DOK5: variants seen among roughly 807,000 people sequenced by gnomAD.
DOK5 encodes docking protein 5.
A neutral mutation model predicts 43.3 loss-of-function variants in DOK5; 27 were observed. The ratio of observed to expected loss-of-function variants is 0.62; its 90% CI spans 0.46 to 0.86. DOK5 has a LOEUF of 0.86. DOK5 is among the 40% of genes least tolerant of loss of function. The pLI is 0.00. For synonymous variants in DOK5, 146 were observed against 140.1 expected (o/e 1.04, Z -0.30); for missense variants, 373 against 392.9 (o/e 0.95, Z 0.43).
intron 1 of DOK5, among the ~76,000 whole-genome samples, chr20:54,520,716 G>T (rs991863076): frequency 6.6e-6 from 1 of 152,028 alleles, no homozygotes; most frequent in Non-Finnish European, 1.5e-5. Context: ...AGCCCAGGAG[G>T]TTGAGTCAGC....
chr20:54,487,983 T>C (rs1030905953), intron 1 of DOK5, among the ~76,000 whole-genome samples: 3 of 152,254 alleles, frequency 2.0e-5, no homozygotes, highest in African/African-American at 7.2e-5. Flanking sequence ...CTTAACACCA[T>C]ACATTCATTC....
chr20:54,624,634 T>G (rs1484052624), intron 6 of DOK5, among the ~76,000 whole-genome samples: 1 of 151,830 alleles, frequency 6.6e-6, no homozygotes, highest in African/African-American at 2.4e-5. Context: ...CCTAAGGATA[T>G]CTATTTCAAT....
chr20:54,561,544 G>GC (rs1467994516), intron 2 of DOK5, among the ~76,000 whole-genome samples: 1 of 152,256 alleles, frequency 6.6e-6, no homozygotes, highest in Non-Finnish European at 1.5e-5. Context: ...GGAACTGGGT[G>GC]CTCAGGGCTG....
chr20:54,577,327 T>C (rs1225775785), intron 2 of DOK5, among the ~76,000 whole-genome samples: 1 of 152,246 alleles, frequency 6.6e-6, no homozygotes, highest in Non-Finnish European at 1.5e-5. Context: ...AGATTTATAA[T>C]TGTTACTATT....
chr20:54,644,515 T>C (rs938747569), intron 7 of DOK5, among the ~76,000 whole-genome samples: 3 of 150,998 alleles, frequency 2.0e-5, no homozygotes, highest in Non-Finnish European at 4.4e-5. Context: ...CCATCCTGGC[T>C]AACACAGTGA....
chr20:54,647,179 G>C (rs1247103661), intron 7 of DOK5, among the ~76,000 whole-genome samples: 1 of 151,994 alleles, frequency 6.6e-6, no homozygotes, highest in Non-Finnish European at 1.5e-5. Context: ...CTATGATTAT[G>C]CAGATACAAA....
intron 7 of DOK5, among the ~76,000 whole-genome samples, chr20:54,646,463 G>A (rs750778163): frequency 3.3e-5 from 5 of 151,910 alleles, no homozygotes; most frequent in Non-Finnish European, 5.9e-5. Flanking sequence ...ATGTTGCCCA[G>A]ACTGGTCTCA....
intron 6 of DOK5, among the ~76,000 whole-genome samples, chr20:54,623,113 G>A (rs117134789): frequency 2.0e-5 from 3 of 152,092 alleles, no homozygotes; most frequent in African/African-American, 4.8e-5. Flanking sequence ...CTAAAACAGC[G>A]GTTCTCAATT....
intron 1 of DOK5, among the ~76,000 whole-genome samples, chr20:54,501,234 A>G (rs6014037): frequency 0.073 from 11,121 of 151,840 alleles, 1,412 homozygotes; most frequent in African/African-American, 0.26. Flanking sequence ...TTGGGAGGCC[A>G]AGGCGGGTGG....
intron 6 of DOK5, among the ~76,000 whole-genome samples, chr20:54,617,402 C>A (rs1387692573): frequency 3.3e-5 from 5 of 152,030 alleles, no homozygotes; most frequent in African/African-American, 7.2e-5. Flanking sequence ...GCAATCACAG[C>A]TCACTGCAGC....
At chr20:54,634,352 G>T (rs963477100) in intron 6 of DOK5, among the ~76,000 whole-genome samples, 2 of 151,476 alleles carry the variant, frequency 1.3e-5, no homozygotes, top group Non-Finnish European at 1.5e-5. Context: ...GCTTCAGCCA[G>T]TTGTCGGTCA....
intron 7 of DOK5, among the ~76,000 whole-genome samples, chr20:54,646,000 AAT>A (rs1190247231): frequency 6.6e-6 from 1 of 151,016 alleles, no homozygotes; most frequent in Non-Finnish European, 1.5e-5. Flanking sequence ...CGACTGAATT[AAT>A]AATTGACAAA....
chr20:54,530,678 T>C (rs1983739477), intron 1 of DOK5, among the ~76,000 whole-genome samples: 1 of 152,132 alleles, frequency 6.6e-6, no homozygotes, highest in African/African-American at 2.4e-5. Flanking sequence ...CCCCATCGGG[T>C]AGTTGGGGTA....
intron 5 of DOK5, among the ~76,000 whole-genome samples, chr20:54,609,302 G>A (rs1399185733): frequency 6.6e-6 from 1 of 152,190 alleles, no homozygotes; most frequent in Non-Finnish European, 1.5e-5. Context: ...ATTCTGAAAT[G>A]GAAGGAGTGG....
At chr20:54,495,453 C>T (rs1313953763) in intron 1 of DOK5, among the ~76,000 whole-genome samples, 1 of 152,218 alleles carries the variant, frequency 6.6e-6, no homozygotes, top group African/African-American at 2.4e-5. Flanking sequence ...AGCCTACTGA[C>T]TGAGGGGAGA....
intron 2 of DOK5, among the ~76,000 whole-genome samples, chr20:54,561,909 G>A (rs1044671472): frequency 2.0e-5 from 3 of 152,122 alleles, no homozygotes; most frequent in Non-Finnish European, 4.4e-5. Context: ...CGCCCACCTC[G>A]GCCTTCCAAA....
intron 1 of DOK5, among the ~76,000 whole-genome samples, chr20:54,511,020 A>G (rs1982997366): frequency 6.6e-6 from 1 of 152,062 alleles, no homozygotes; most frequent in African/African-American, 2.4e-5. Context: ...ACCATTTATT[A>G]TTTTCTACGG....
At chr20:54,546,079 AG>A (rs1984333306) in intron 1 of DOK5, among the ~76,000 whole-genome samples, 1 of 152,222 alleles carries the variant, frequency 6.6e-6, no homozygotes, top group African/African-American at 2.4e-5. Context: ...GGCAAACAAA[AG>A]TTAGAATCCT....
At position 54,594,636 on chromosome 20, in the gene DOK5, C is replaced by T. The variant is rs192315899; in HGVS notation, c.599+2831C>T. ...CTGCATTGATCAAGACTCTTTGGAT[C>T]TGTTTTGGGCAGCACTTATTCAATT... On this transcript the variant is annotated intron_variant, in intron 5 of 7. Coordinates refer to ENST00000262593, the MANE Select transcript of DOK5 (RefSeq NM_018431.5). 2.6e-3 allele frequency among the ~76,000 whole-genome samples: 390 copies of T among 152,250 alleles called. 1 individual carries two copies. Among genetic ancestry groups the T allele is most frequent in the African/African-American group, 8.8e-3 (367 of 41,544 alleles).
Sources: gnomAD v4.1 joint callset for allele counts (sites outside exome capture counted in the v4.1 genomes callset) on GRCh38, gnomAD v4.1.1 for gene constraint, MANE v1.5 for transcripts, NCBI Gene and HGNC (gene_info 2026-07-23, HGNC 2026-07-21) for gene names.